Variants in TMEM38A observed in about 807,000 individuals in gnomAD.
The protein encoded by TMEM38A is trimeric intracellular cation channel type A.
In TMEM38A, 17 loss-of-function variants were observed where a neutral mutation model predicts 28.6. The ratio of observed to expected loss-of-function variants is 0.60; its 90% CI spans 0.41 to 0.89. The LOEUF (loss-of-function observed/expected upper bound fraction) is 0.89, where lower values mean the gene tolerates loss of function less well. Ranked by LOEUF, TMEM38A falls within the 40% of genes least tolerant of loss-of-function variation. TMEM38A has a pLI of 0.00. For missense variants in TMEM38A, 328 were observed against 393.1 expected (o/e 0.83, Z 1.40); for synonymous variants, 169 against 166.1 (o/e 1.02, Z -0.14).
At chr19:16,685,482 C>A (rs776000050) in intron 4 of TMEM38A, among the ~76,000 whole-genome samples, 5 of 152,184 alleles carry the variant, frequency 3.3e-5, no homozygotes, top group Non-Finnish European at 5.9e-5. Context: ...CCAGTGGAAT[C>A]ATGTGGACAG....
intron 1 of TMEM38A, among the ~76,000 whole-genome samples, chr19:16,677,172 T>C (rs987940559): frequency 6.6e-6 from 1 of 152,008 alleles, no homozygotes; most frequent in Non-Finnish European, 1.5e-5. Context: ...ATACTTCTTA[T>C]CTTGGAAGAG....
At chr19:16,673,572 C>A (rs1449425336) in intron 1 of TMEM38A, among the ~76,000 whole-genome samples, 2 of 152,154 alleles carry the variant, frequency 1.3e-5, no homozygotes, top group Non-Finnish European at 2.9e-5. Flanking sequence ...CCAGGGGATG[C>A]ACAGCTTCAT....
chr19:16,680,835 T>C, intron 3 of TMEM38A: 2 of 489,900 alleles, frequency 4.1e-6, no homozygotes, highest in South Asian at 4.5e-5. Context: ...CAGAGCAGGT[T>C]TTCTCACTTG....
In TMEM38A at chr19:16,680,437, T is replaced by C. The variant is rs764143799; in HGVS notation, c.322T>C (p.Cys108Arg). The C allele has an allele frequency of 3.1e-6, 5 of 1,614,132 alleles. No homozygotes were observed. Among genetic ancestry groups the C allele is most frequent in the Non-Finnish European group, 3.4e-6 (4 of 1,180,018 alleles). ...CTGCCCCCTGGACCTCTTCTACAAG[T>C]GTGTCTGCTTCCTGCCTGTGAAACT... ...FFCPLDLFYK[C>R]VCFLPVKLIF... The change falls in exon 3 of 6, where the codon TGT becomes CGT. Residue 108 changes from cysteine to arginine, a missense_variant. By Grantham distance (180) the Cys-to-Arg change is radical. Coordinates refer to ENST00000187762, the MANE Select transcript of TMEM38A (RefSeq NM_024074.4).
At position 16,688,445 on chromosome 19, in the gene TMEM38A, G is replaced by A. The variant is rs1335837080; in HGVS notation, c.*74G>A. On this transcript the variant is annotated 3_prime_UTR_variant, in exon 6 of 6. Coordinates refer to ENST00000187762, the MANE Select transcript of TMEM38A (RefSeq NM_024074.4). The stretch of plus-strand genomic sequence containing the variant: ...TGAGCTGGGAGGCTTCCTGCGCTCA[G>A]ATCTATCCTTTCCTGGCCTTGACTT... The A allele has an allele frequency of 2.5e-5, 31 of 1,240,666 alleles. No individual in the cohort carries two copies. Among genetic ancestry groups the A allele is most frequent in the Non-Finnish European group, 3.1e-5 (29 of 943,614 alleles). The allele number at this position is 1,240,666 out of a possible 1,614,324, so 76.9% of individuals were successfully genotyped here.
At chr19:16,686,606 C>A (rs2086803161) in intron 5 of TMEM38A, among the ~76,000 whole-genome samples, 1 of 152,036 alleles carries the variant, frequency 6.6e-6, no homozygotes, top group Non-Finnish European at 1.5e-5. Context: ...ATGAGAGGAA[C>A]AGGCCTTCTG....
chr19:16,686,557 A>G (rs2086802931), intron 5 of TMEM38A, 152 bp downstream of exon 5: 1 of 638,246 alleles, frequency 1.6e-6, no homozygotes, highest in East Asian at 2.9e-5. Context: ...GTCACTGGGA[A>G]GAGAGTTTAA....
At chr19:16,678,390 CCGCG>C (rs112378372) in intron 1 of TMEM38A, among the ~76,000 whole-genome samples, 10,775 of 149,118 alleles carry the variant, frequency 0.072, 529 homozygotes, top group East Asian at 0.24. Flanking sequence ...GATCGCGCCA[CCGCG>C]CTCCAGCCTG....
At chr19:16,677,061 CT>C (rs1881397009) in intron 1 of TMEM38A, among the ~76,000 whole-genome samples, 2 of 134,422 alleles carry the variant, frequency 1.5e-5, no homozygotes, top group African/African-American at 2.9e-5. Context: ...GTGCCCAGCC[CT>C]TTTTTTAAAA....
intron 1 of TMEM38A, among the ~76,000 whole-genome samples, chr19:16,678,768 A>C (rs1302514224): frequency 9.0e-6 from 1 of 110,516 alleles, no homozygotes. Flanking sequence ...CCTGTGTCCA[A>C]AAAAAAAAAA....
intron 4 of TMEM38A, among the ~76,000 whole-genome samples, chr19:16,684,070 C>T (rs2086792159): frequency 6.6e-6 from 1 of 151,432 alleles, no homozygotes; most frequent in African/African-American, 2.4e-5. Flanking sequence ...GCAGAGGTTG[C>T]TGTGATCCGA....
intron 1 of TMEM38A, among the ~76,000 whole-genome samples, chr19:16,671,518 G>T (rs2086727593): frequency 6.6e-6 from 1 of 151,438 alleles, no homozygotes. Flanking sequence ...CGTCATCTTG[G>T]TCTTTTGACA....
At chr19:16,662,617 C>T in intron 1 of TMEM38A, among the ~76,000 whole-genome samples, 1 of 151,816 alleles carries the variant, frequency 6.6e-6, no homozygotes, top group East Asian at 1.9e-4. Flanking sequence ...CTACACTTGG[C>T]TAATTTTTGT....
At chr19:16,671,200 G>GTTTTTTTTTTT (rs1568313636) in intron 1 of TMEM38A, among the ~76,000 whole-genome samples, 6 of 112,910 alleles carry the variant, frequency 5.3e-5, no homozygotes, top group African/African-American at 2.1e-4. Flanking sequence ...AAGGACCTGG[G>GTTTTTTTTTTT]CTTTTTTTTT....
intron 1 of TMEM38A, among the ~76,000 whole-genome samples, chr19:16,665,069 C>T (rs2086697487): frequency 6.6e-6 from 1 of 151,840 alleles, no homozygotes; most frequent in Non-Finnish European, 1.5e-5. Flanking sequence ...CTGAGGTGGG[C>T]AGATCACCTG....
intron 1 of TMEM38A, among the ~76,000 whole-genome samples, chr19:16,678,215 G>A (rs945391277): frequency 6.6e-6 from 1 of 152,140 alleles, no homozygotes; most frequent in Non-Finnish European, 1.5e-5. Context: ...CAGATCACAA[G>A]GTCAAGAGAT....
chr19:16,689,995 G>C lies in TMEM38A; in HGVS notation c.*1624G>C, dbSNP rs1225245013. ...CTTGTCCACCTCAGCTCGGTGTGGAGGGGCAGCCAATAAATCATTGTGAAT... is the reference window on the plus strand; with the variant it reads ...CTTGTCCACCTCAGCTCGGTGTGGACGGGCAGCCAATAAATCATTGTGAAT... On this transcript the variant is annotated 3_prime_UTR_variant, in exon 6 of 6. Transcript: ENST00000187762. The C allele has an allele frequency of 2.6e-5, 4 of 152,140 alleles. No individual in the cohort carries two copies. Among genetic ancestry groups the C allele is most frequent in the African/African-American group, 9.7e-5 (4 of 41,418 alleles). The allele number at this position is 152,140 out of a possible 1,614,324, so 9.4% of individuals were successfully genotyped here.
At chr19:16,684,695 G>GT (rs1438788045) in intron 4 of TMEM38A, among the ~76,000 whole-genome samples, 1 of 152,106 alleles carries the variant, frequency 6.6e-6, no homozygotes, top group Non-Finnish European at 1.5e-5. Context: ...AGGACTCAGA[G>GT]AACTTAGCAA....
intron 1 of TMEM38A, among the ~76,000 whole-genome samples, chr19:16,665,529 T>C (rs2086699380): frequency 6.6e-6 from 1 of 151,908 alleles, no homozygotes; most frequent in Admixed American, 6.6e-5. Flanking sequence ...CTCTGAATCA[T>C]GGGAGTCAGT....
Sources: allele counts gnomAD v4.1 joint callset (sites outside exome capture counted in the v4.1 genomes callset), GRCh38; gene constraint gnomAD v4.1.1; transcripts MANE v1.5; gene names NCBI Gene and HGNC (gene_info 2026-07-23, HGNC 2026-07-21).